Variants in PTK2 observed in about 807,000 individuals in gnomAD.
PTK2 encodes the protein protein tyrosine kinase 2, also known as focal adhesion kinase 1.
PTK2 carries 45 observed loss-of-function variants against 150.1 expected under a neutral mutation model. The observed-to-expected ratio is 0.30, with a 90% CI of 0.24 to 0.38. The LOEUF is 0.38. Ranked by LOEUF, PTK2 falls within the 10% of genes least tolerant of loss-of-function variation. PTK2 has a pLI of 1.00. For missense variants in PTK2, 919 were observed against 1,307.3 expected (o/e 0.70, Z 4.58); for synonymous variants, 432 against 449.2 (o/e 0.96, Z 0.48).
chr8:140,836,766 A>G (rs1337551167), intron 7 of PTK2, among the ~76,000 whole-genome samples: 3 of 152,236 alleles, frequency 2.0e-5, no homozygotes, highest in Non-Finnish European at 4.4e-5. Flanking sequence ...CATTCCCCGC[A>G]CAACAGAATG....
chr8:140,726,235 A>C (rs1473613798), intron 22 of PTK2, among the ~76,000 whole-genome samples: 2 of 152,150 alleles, frequency 1.3e-5, no homozygotes, highest in African/African-American at 4.8e-5. Context: ...GGGGAAGAGA[A>C]GGTGACAACG....
At chr8:140,909,663 C>T (rs969095697) in intron 2 of PTK2, 7 of 152,018 alleles carry the variant, frequency 4.6e-5, no homozygotes, top group Admixed American at 2.6e-4. Context: ...AAGTGTTTAC[C>T]AAGATACATG....
chr8:140,721,894 C>A (rs1004201394), intron 22 of PTK2: 3 of 152,226 alleles, frequency 2.0e-5, no homozygotes, highest in African/African-American at 7.2e-5. Context: ...GAAACTAGTG[C>A]CTAACTTGCT....
chr8:140,977,812 T>C (rs1180109673), intron 1 of PTK2, among the ~76,000 whole-genome samples: 1 of 152,032 alleles, frequency 6.6e-6, no homozygotes, highest in Non-Finnish European at 1.5e-5. Context: ...GTACTCATCA[T>C]AAAGGAAAAA....
chr8:140,961,584 C>G (rs919342182), intron 1 of PTK2, among the ~76,000 whole-genome samples: 1 of 151,756 alleles, frequency 6.6e-6, no homozygotes, highest in African/African-American at 2.4e-5. Context: ...ATGGCGTGAA[C>G]CTGGGAGGTG....
intron 2 of PTK2, among the ~76,000 whole-genome samples, chr8:140,910,622 G>T (rs2100162759): frequency 6.6e-6 from 1 of 152,050 alleles, no homozygotes; most frequent in Admixed American, 6.5e-5. Flanking sequence ...AAGAAATTAA[G>T]AATACAGCGA....
chr8:140,735,207 T>A (rs2100051879), intron 22 of PTK2, 44 bp downstream of exon 25: 1 of 1,558,974 alleles, frequency 6.4e-7, no homozygotes, highest in African/African-American at 1.4e-5. Flanking sequence ...AGAAGCAGCA[T>A]AATCTGCCCC....
intron 2 of PTK2, among the ~76,000 whole-genome samples, chr8:140,912,335 A>G (rs928213709): frequency 6.6e-6 from 1 of 152,060 alleles, no homozygotes; most frequent in Non-Finnish European, 1.5e-5. Flanking sequence ...TTGTTTTAAC[A>G]TTAAAAAAAA....
intron 8 of PTK2, chr8:140,821,072 CAG>C (rs1187174892): frequency 6.6e-6 from 1 of 152,220 alleles, no homozygotes; most frequent in African/African-American, 2.4e-5. Context: ...GAGCTATGGT[CAG>C]AGAGAAGGAT....
chr8:140,829,787 A>G (rs2154602809), intron 8 of PTK2, among the ~76,000 whole-genome samples: 1 of 152,314 alleles, frequency 6.6e-6, no homozygotes, highest in Non-Finnish European at 1.5e-5. Flanking sequence ...TTGTAGAAAT[A>G]AGAAACCAGG....
intron 21 of PTK2, among the ~76,000 whole-genome samples, chr8:140,737,678 A>G (rs2100053377): frequency 6.6e-6 from 1 of 152,256 alleles, no homozygotes; most frequent in African/African-American, 2.4e-5. Flanking sequence ...AGTGGAAAGC[A>G]AGGACAACTA....
intron 16 of PTK2, among the ~76,000 whole-genome samples, chr8:140,752,673 T>C (rs2100063465): frequency 6.6e-6 from 1 of 152,126 alleles, no homozygotes; most frequent in Non-Finnish European, 1.5e-5. Context: ...ACACAGATAA[T>C]AAATAAAGAA....
intron 20 of PTK2, 75 bp downstream of exon 23, chr8:140,743,155 T>C: frequency 1.0e-6 from 1 of 972,194 alleles, no homozygotes; most frequent in Non-Finnish European, 1.6e-6. Flanking sequence ...CAGGTGAGCA[T>C]ATTAGAACAT....
At chr8:140,959,628 A>G (rs1471523375) in intron 1 of PTK2, among the ~76,000 whole-genome samples, 1 of 151,848 alleles carries the variant, frequency 6.6e-6, no homozygotes, top group African/African-American at 2.4e-5. Flanking sequence ...ACTTATATCT[A>G]CGTTTTTGAT....
Position 140,836,218 on chromosome 8 carries a change from A to G in PTK2, c.594-5692T>C, listed in dbSNP as rs1368395878. Among the ~76,000 whole-genome samples the G allele has an allele frequency of 3.9e-5, 6 of 152,296 alleles. No homozygotes were observed. In the South Asian group the frequency reaches 1.0e-3, roughly 26 times the overall value. ...TTCCACAAGAACTTAACTCTTGTTT[A>G]TATCAATTAGCCCACGGTAAAACTG... On this transcript the variant is annotated intron_variant, in intron 7 of 31. Transcript: ENST00000522684.
At chr8:140,694,635 G>C (rs1022199802) in intron 26 of PTK2, among the ~76,000 whole-genome samples, 5 of 152,140 alleles carry the variant, frequency 3.3e-5, no homozygotes, top group African/African-American at 1.2e-4. Context: ...CTGGCCTGGT[G>C]GTTGCAAGGA....
Position 140,890,581 on chromosome 8 carries a change from C to T in PTK2, c.157G>A (p.Ala53Thr), listed in dbSNP as rs746349246. The stretch of plus-strand genomic sequence containing the variant: ...GCATCTCCATGCCTGATAATACTGG[C>T]CCAGGTGGTTGGCTCACTATTGCTT... The change falls in exon 3 of 32, where the codon GCC becomes ACC. Residue 53 changes from alanine (A) to threonine (T), a missense_variant. Physicochemically the swap from Ala to Thr is moderately conservative, Grantham distance 58 (BLOSUM62 0). Around this residue, in one of 3 missense-constraint regions of PTK2, gnomAD observed 555 missense variants for 880.1 expected, o/e 0.63. Transcript: ENST00000522684. 3.1e-6 allele frequency: 5 copies of T among 1,613,982 alleles called. No individual in the cohort carries two copies. The East Asian group carries it at 8.9e-5, about 29-fold the overall frequency.
intron 14 of PTK2, among the ~76,000 whole-genome samples, chr8:140,783,042 C>G (rs1295588915): frequency 6.6e-6 from 1 of 151,878 alleles, no homozygotes; most frequent in Non-Finnish European, 1.5e-5. Context: ...AGTTTGAGAC[C>G]AGCCTGGGCA....
intron 2 of PTK2, among the ~76,000 whole-genome samples, chr8:140,901,930 A>T (rs1340418706): frequency 6.6e-6 from 1 of 151,924 alleles, no homozygotes; most frequent in Non-Finnish European, 1.5e-5. Flanking sequence ...TTCCTGTGTT[A>T]GTTTGCCAAG....
Sources: gnomAD v4.1 joint callset for allele counts (sites outside exome capture counted in the v4.1 genomes callset) on GRCh38, gnomAD v4.1.1 for gene constraint, gnomAD v4.1.1 regional missense constraint, MANE v1.5 for transcripts, NCBI Gene and HGNC (gene_info 2026-07-23, HGNC 2026-07-21) for gene names.